PRR16: variants seen among roughly 807,000 people sequenced by gnomAD.
PRR16 encodes protein Largen.
PRR16 carries 6 observed loss-of-function variants against 18.2 expected under a neutral mutation model. That is an observed-to-expected ratio of 0.33 (90% confidence interval 0.18 to 0.65). PRR16 has a LOEUF of 0.65. PRR16 is among the 30% of genes least tolerant of loss of function. The pLI, the probability that PRR16 is intolerant of heterozygous loss-of-function variation, is 0.74. For missense variants in PRR16, 412 were observed against 376.6 expected (o/e 1.09, Z -0.78); for synonymous variants, 151 against 147.8 (o/e 1.02, Z -0.16).
intron 1 of PRR16, among the ~76,000 whole-genome samples, chr5:120,682,677 C>G (rs1302707936): frequency 6.6e-6 from 1 of 152,168 alleles, no homozygotes; most frequent in African/African-American, 2.4e-5. Flanking sequence ...CTCTACCTCT[C>G]ACATTCTTTA....
the PRR16 span, among the ~76,000 whole-genome samples, chr5:120,717,774 A>T: frequency 2.6e-5 from 4 of 152,182 alleles, no homozygotes; most frequent in African/African-American, 9.6e-5. Context: ...TGAAAATAAA[A>T]CACACAGTCT....
the PRR16 span, among the ~76,000 whole-genome samples, chr5:120,793,476 C>T: frequency 4.3e-4 from 66 of 152,078 alleles, no homozygotes; most frequent in African/African-American, 1.4e-3. Flanking sequence ...AAATCATGTG[C>T]AAAGCACTGC....
the PRR16 span, among the ~76,000 whole-genome samples, chr5:120,694,916 G>A: frequency 9.7e-4 from 148 of 152,204 alleles, 1 homozygote; most frequent in Non-Finnish European, 1.4e-3. Flanking sequence ...ATCTAGGTTT[G>A]TGGTTTAAAA....
chr5:120,537,212 C>T (rs896460749), intron 1 of PRR16, among the ~76,000 whole-genome samples: 3 of 152,022 alleles, frequency 2.0e-5, no homozygotes, highest in Non-Finnish European at 4.4e-5. Flanking sequence ...AAATGTTAAC[C>T]ATATAAAAAT....
chr5:120,497,712 T>C (rs1237460113), intron 1 of PRR16, among the ~76,000 whole-genome samples: 1 of 151,952 alleles, frequency 6.6e-6, no homozygotes, highest in East Asian at 1.9e-4. Context: ...TATTACATAA[T>C]ATTTGTCTCT....
the PRR16 span, among the ~76,000 whole-genome samples, chr5:120,723,514 T>C: frequency 6.6e-6 from 1 of 152,040 alleles, no homozygotes; most frequent in Non-Finnish European, 1.5e-5. Flanking sequence ...ACAAGCAATG[T>C]GCTGATGTCA....
intron 1 of PRR16, among the ~76,000 whole-genome samples, chr5:120,668,047 A>C (rs1756457540): frequency 6.6e-6 from 1 of 152,126 alleles, no homozygotes; most frequent in Non-Finnish European, 1.5e-5. Context: ...TAATGTTGAC[A>C]GTGGGATGTT....
At chr5:120,626,771 A>G (rs1408937701) in intron 1 of PRR16, among the ~76,000 whole-genome samples, 1 of 152,142 alleles carries the variant, frequency 6.6e-6, no homozygotes, top group African/African-American at 2.4e-5. Flanking sequence ...TAATTTGTAG[A>G]ATAAAAGATA....
At chr5:120,753,743 A>G in the PRR16 span, among the ~76,000 whole-genome samples, 2 of 147,880 alleles carry the variant, frequency 1.4e-5, no homozygotes, top group South Asian at 2.1e-4. Flanking sequence ...ATATAATATC[A>G]TTATTCAAAT....
At chr5:120,701,516 G>A in the PRR16 span, among the ~76,000 whole-genome samples, 99 of 152,296 alleles carry the variant, frequency 6.5e-4, no homozygotes, top group African/African-American at 2.1e-3. Context: ...TGGGCAGGAG[G>A]GGGAGGGCTA....
At chr5:120,611,082 G>T (rs1430807566) in intron 1 of PRR16, among the ~76,000 whole-genome samples, 1 of 152,178 alleles carries the variant, frequency 6.6e-6, no homozygotes, top group Non-Finnish European at 1.5e-5. Context: ...CAAAAAGACT[G>T]GTGGTGTTTT....
At chr5:120,696,794 A>G in the PRR16 span, among the ~76,000 whole-genome samples, 1,303 of 152,332 alleles carry the variant, frequency 8.6e-3, 14 homozygotes, top group African/African-American at 0.028. Context: ...TATACACTCA[A>G]CAGAAAAATA....
At chr5:120,523,194 G>A (rs1751243143) in intron 1 of PRR16, among the ~76,000 whole-genome samples, 1 of 152,092 alleles carries the variant, frequency 6.6e-6, no homozygotes, top group East Asian at 1.9e-4. Flanking sequence ...TTGGAAAGTA[G>A]TCCATCTCAT....
chr5:120,778,558 T>C, the PRR16 span, among the ~76,000 whole-genome samples: 1 of 152,298 alleles, frequency 6.6e-6, no homozygotes, highest in Admixed American at 6.5e-5. Context: ...ACTAGATGTT[T>C]TCCCAAGTCC....
chr5:120,669,818 T>C (rs1041042604), intron 1 of PRR16, among the ~76,000 whole-genome samples: 1 of 152,108 alleles, frequency 6.6e-6, no homozygotes, highest in African/African-American at 2.4e-5. Context: ...ATTGATTTTT[T>C]AAAGTAATAA....
At chr5:120,733,730 C>T in the PRR16 span, among the ~76,000 whole-genome samples, 2 of 152,006 alleles carry the variant, frequency 1.3e-5, no homozygotes, top group Non-Finnish European at 2.9e-5. Context: ...GATTACCTAG[C>T]CTTTCCACAG....
intron 1 of PRR16, among the ~76,000 whole-genome samples, chr5:120,646,246 C>T (rs1755598378): frequency 6.6e-6 from 1 of 151,576 alleles, no homozygotes. Context: ...TGTCATCTTA[C>T]ATCTATCATA....
intron 1 of PRR16, among the ~76,000 whole-genome samples, chr5:120,483,858 A>T (rs1749700673): frequency 6.6e-6 from 1 of 152,132 alleles, no homozygotes; most frequent in Admixed American, 6.6e-5. Flanking sequence ...GGTGTAAGTG[A>T]TTCTTAACAA....
At chr5:120,476,642 C>A (rs2112805272) in intron 1 of PRR16, among the ~76,000 whole-genome samples, 1 of 152,164 alleles carries the variant, frequency 6.6e-6, no homozygotes, top group Admixed American at 6.6e-5. Flanking sequence ...CCCATTTACT[C>A]AAGAACATCA....
Sources: gnomAD v4.1 joint callset for allele counts (sites outside exome capture counted in the v4.1 genomes callset) on GRCh38, gnomAD v4.1.1 for gene constraint, MANE v1.5 for transcripts, NCBI Gene and HGNC (gene_info 2026-07-23, HGNC 2026-07-21) for gene names.